AKAP9: variants seen among roughly 807,000 people sequenced by gnomAD.
The protein encoded by AKAP9 is A-kinase anchoring protein 9, also known as A-kinase anchor protein 9.
Under a neutral mutation model 488.5 loss-of-function variants are expected in AKAP9, and 311 were observed. The observed-to-expected ratio is 0.64, with a 90% CI of 0.58 to 0.70. The LOEUF is 0.70. Ranked by LOEUF, AKAP9 falls within the 30% of genes least tolerant of loss-of-function variation. AKAP9 has a pLI of 0.00. For synonymous variants in AKAP9, 1,462 were observed against 1,483.5 expected (o/e 0.99, Z 0.33); for missense variants, 4,215 against 4,374.5 (o/e 0.96, Z 1.03).
chr7:91,962,267 T>G (rs1486250370), intron 1 of AKAP9, among the ~76,000 whole-genome samples: 1 of 152,224 alleles, frequency 6.6e-6, no homozygotes, highest in Non-Finnish European at 1.5e-5. Flanking sequence ...TCTCTCACAT[T>G]TTTACCAAAC....
intron 14 of AKAP9, among the ~76,000 whole-genome samples, chr7:92,025,441 A>G (rs1294063521): frequency 6.6e-6 from 1 of 152,242 alleles, no homozygotes; most frequent in Admixed American, 6.5e-5. Context: ...CATTCTTACT[A>G]ATAGTAATGA....
chr7:92,085,772 C>T (rs182031704), intron 36 of AKAP9, 86 bp downstream of exon 36: 1 of 1,021,564 alleles, frequency 9.8e-7, no homozygotes. Context: ...ATCTTTTATA[C>T]ATATTTTTGC....
At position 92,082,587 on chromosome 7, in the gene AKAP9, A is replaced by T; in HGVS notation, c.8085A>T (p.Arg2695Ser). 6.2e-7 allele frequency: 1 copy of T among 1,614,036 alleles called. No homozygotes were observed. Among genetic ancestry groups the T allele is most frequent in the East Asian group, 2.2e-5 (1 of 44,836 alleles). Residue 2695 changes from arginine (R) to serine (S), a missense_variant, in exon 32 of 50, where the codon AGA becomes AGT. Coordinates refer to ENST00000356239, the MANE Select transcript of AKAP9 (RefSeq NM_005751.5). ...TTTTTAATGAACTCGAGGCTCTTAG[A>T]GCTGAATCAGTGGCTACCAAAGCAG... is the stretch of plus-strand genomic sequence containing the variant. The part of the protein sequence containing the change: ...SGFFNELEAL[R>S]AESVATKAEL...
rs766654993 is a variant in AKAP9 at position 92,066,385 on chromosome 7, A to G, written c.6211-42A>G. Reference sequence around the variant, plus strand: ...GTAAGAAATAATAGCTTCTCTAAATACTGTTTCTTCAGCTACTATCATTAT... The same window carrying G: ...GTAAGAAATAATAGCTTCTCTAAATGCTGTTTCTTCAGCTACTATCATTAT... On this transcript the variant is annotated intron_variant, in intron 25 of 49. Coordinates refer to ENST00000356239, the MANE Select transcript of AKAP9 (RefSeq NM_005751.5). 14 of 1,607,986 alleles carry G rather than the reference A, an allele frequency of 8.7e-6. No individual in the cohort carries two copies. In the Admixed American group the frequency reaches 2.2e-4, roughly 25 times the overall value.
At chr7:91,991,206 C>T (rs1428590380) in intron 3 of AKAP9, among the ~76,000 whole-genome samples, 13 of 152,152 alleles carry the variant, frequency 8.5e-5, no homozygotes, top group Non-Finnish European at 1.5e-5. Flanking sequence ...TTAGAGGACA[C>T]ATCAGAATGC....
At chr7:92,049,468 A>G (rs1807541144) in intron 21 of AKAP9, among the ~76,000 whole-genome samples, 1 of 152,004 alleles carries the variant, frequency 6.6e-6, no homozygotes. Flanking sequence ...AAAATTAGCC[A>G]GGCGTGGTGG....
chr7:92,037,704 AT>A (rs1805420150), intron 16 of AKAP9, among the ~76,000 whole-genome samples: 1 of 152,216 alleles, frequency 6.6e-6, no homozygotes, highest in Admixed American at 6.5e-5. Flanking sequence ...ATGTCTACTC[AT>A]ATTTACCAGT....
rs864622133 is a variant in AKAP9 at position 92,083,584 on chromosome 7, G to T, written c.8575G>T (p.Val2859Phe). 3.7e-6 allele frequency: 6 copies of T among 1,603,332 alleles called. No homozygotes were observed. The highest frequency in any genetic ancestry group is 5.1e-6 in the Non-Finnish European group (6 of 1,176,586). The change falls in exon 33 of 50, where the codon GTT becomes TTT. Residue 2859 changes from valine to phenylalanine, a missense_variant. This residue lies in a region of AKAP9 where 1,476 missense variants were observed against 1,477.4 expected (regional missense o/e 1.00). Transcript: ENST00000356239. ...TGAAACCTTAAAGAGGGAACACTAT[G>T]TTGCCGTTCAGTTACTGAAAGAGGA... Reference protein sequence around the residue: ...ETETLKREHYVAVQLLKEECG... With the variant: ...ETETLKREHYFAVQLLKEECG...
intron 21 of AKAP9, among the ~76,000 whole-genome samples, chr7:92,047,653 A>C (rs1807232009): frequency 6.6e-6 from 1 of 152,230 alleles, no homozygotes; most frequent in South Asian, 2.1e-4. Flanking sequence ...AAAGCAAAAT[A>C]GAGTCATAAT....
chr7:91,969,718 T>C (rs186567088), intron 1 of AKAP9, among the ~76,000 whole-genome samples: 165 of 152,292 alleles, frequency 1.1e-3, no homozygotes, highest in Admixed American at 4.7e-3. Flanking sequence ...GATACAAGTA[T>C]AGCTACTCCT....
chr7:92,103,847 C>G (rs531842036), intron 46 of AKAP9, among the ~76,000 whole-genome samples: 74 of 152,180 alleles, frequency 4.9e-4, no homozygotes, highest in Non-Finnish European at 7.8e-4. Context: ...ACTTTTGGTG[C>G]CCAGTTATGG....
chr7:92,052,174 G>C (rs1239284756), intron 21 of AKAP9, among the ~76,000 whole-genome samples: 1 of 152,140 alleles, frequency 6.6e-6, no homozygotes, highest in East Asian at 1.9e-4. Context: ...TCAAAAGTTA[G>C]TCATCACCAG....
In AKAP9 at chr7:92,070,901, A is replaced by T; in HGVS notation, c.6508-4A>T. Reference sequence around the variant, plus strand: ...ATTTTGAGAAAATTTTTATATATTTAAAGGTAGAGGACCGAAAACACTTTG... The same window carrying T: ...ATTTTGAGAAAATTTTTATATATTTTAAGGTAGAGGACCGAAAACACTTTG... On this transcript the variant is annotated splice_region_variant and splice_polypyrimidine_tract_variant and intron_variant, in intron 27 of 49. Coordinates refer to ENST00000356239, the MANE Select transcript of AKAP9 (RefSeq NM_005751.5). The T allele has an allele frequency of 6.2e-7, 1 of 1,601,544 alleles. No individual in the cohort carries two copies. The highest frequency in any genetic ancestry group is 8.5e-7 in the Non-Finnish European group (1 of 1,171,090).
chr7:92,062,015 TTTGGTATAGC>T (rs1398912062), intron 23 of AKAP9, among the ~76,000 whole-genome samples: 1 of 152,212 alleles, frequency 6.6e-6, no homozygotes, highest in Non-Finnish European at 1.5e-5. Flanking sequence ...AATGTGGTAC[TTTGGTATAGC>T]AAAGTATTAG....
At chr7:91,991,538 C>T (rs1302876591) in intron 3 of AKAP9, among the ~76,000 whole-genome samples, 21 of 150,178 alleles carry the variant, frequency 1.4e-4, no homozygotes, top group African/African-American at 5.2e-4. Context: ...GTGGCTCGAT[C>T]TCAGCTCACT....
At position 92,083,179 on chromosome 7, in the gene AKAP9, A is replaced by G. The variant is rs1813897041; in HGVS notation, c.8170A>G (p.Thr2724Ala). The G allele has an allele frequency of 6.2e-7, 1 of 1,613,838 alleles. No homozygotes were observed. The highest frequency in any genetic ancestry group is 1.3e-5 in the African/African-American group (1 of 74,918). ...KLQEELLVKETNMTSLQKDLS... is the reference protein window; with the variant it reads ...KLQEELLVKEANMTSLQKDLS... ...ATTCATTACGTTTTAGGTAAAAGAA[A>G]CAAATATGACATCTCTTCAGAAAGA... The change falls in exon 33 of 50, where the codon ACA (threonine) becomes GCA (alanine). Residue 2724 changes from threonine to alanine, a missense_variant. Around this residue, in one of 5 missense-constraint regions of AKAP9, gnomAD observed 1,476 missense variants for 1,477.4 expected, o/e 1.00. Transcript: ENST00000356239.
In AKAP9 at chr7:92,010,063, A is replaced by C. The variant is rs192615696; in HGVS notation, c.3319-2366A>C. On this transcript the variant is annotated intron_variant, in intron 8 of 49. Coordinates refer to ENST00000356239, the MANE Select transcript of AKAP9 (RefSeq NM_005751.5). ...ATGCCTAGCTAAGATTTTTTAAAAC[A>C]TTTTTTTACAGACAGGAGGATCTCG... Among the ~76,000 whole-genome samples, 184 of 152,064 alleles carry C rather than the reference A, an allele frequency of 1.2e-3. 1 individual carries two copies. Among genetic ancestry groups the C allele is most frequent in the Admixed American group, 0.011 (171 of 15,266 alleles).
chr7:92,102,169 A>AT (rs1380817806), intron 45 of AKAP9, among the ~76,000 whole-genome samples: 20 of 74,956 alleles, frequency 2.7e-4, no homozygotes, highest in South Asian at 3.9e-4. Context: ...AATTTAAAAA[A>AT]AAAATAAATA....
intron 4 of AKAP9, among the ~76,000 whole-genome samples, chr7:91,992,586 C>T (rs760933082): frequency 6.6e-6 from 1 of 151,336 alleles, no homozygotes; most frequent in Non-Finnish European, 1.5e-5. Context: ...ATTGCTTGAA[C>T]CCGGGAGGCG....
Sources: gnomAD v4.1 joint callset for allele counts (sites outside exome capture counted in the v4.1 genomes callset) on GRCh38, gnomAD v4.1.1 for gene constraint, gnomAD v4.1.1 regional missense constraint, MANE v1.5 for transcripts, NCBI Gene and HGNC (gene_info 2026-07-23, HGNC 2026-07-21) for gene names.